PID1: variants seen among roughly 807,000 people sequenced by gnomAD.
PID1 encodes phosphotyrosine interaction domain containing 1.
Under a neutral mutation model 19.1 loss-of-function variants are expected in PID1, and 10 were observed. The ratio of observed to expected loss-of-function variants is 0.52; its 90% CI spans 0.32 to 0.89. The LOEUF is 0.89. PID1 is among the 40% of genes least tolerant of loss of function. PID1 has a pLI of 0.03. For synonymous variants in PID1, 130 were observed against 116.0 expected (o/e 1.12, Z -0.78); for missense variants, 248 against 285.3 (o/e 0.87, Z 0.94).
chr2:229,043,137 C>T (rs1422731960), intron 2 of PID1, among the ~76,000 whole-genome samples: 1 of 151,858 alleles, frequency 6.6e-6, no homozygotes, highest in Non-Finnish European at 1.5e-5. Context: ...TCCAGAGTAG[C>T]TGTGATTACA....
chr2:229,171,467 A>G (rs897453113), intron 1 of PID1, among the ~76,000 whole-genome samples: 1 of 152,194 alleles, frequency 6.6e-6, no homozygotes, highest in African/African-American at 2.4e-5. Context: ...ACATCTAGGG[A>G]GACAGCAATT....
intron 1 of PID1, among the ~76,000 whole-genome samples, chr2:229,168,552 G>T (rs1014773407): frequency 1.3e-5 from 2 of 151,988 alleles, no homozygotes; most frequent in African/African-American, 4.8e-5. Flanking sequence ...TTCTTACATG[G>T]TTTTTATCTC....
At chr2:229,124,510 A>G (rs986083877) in intron 2 of PID1, among the ~76,000 whole-genome samples, 3 of 152,208 alleles carry the variant, frequency 2.0e-5, no homozygotes, top group Admixed American at 2.0e-4. Flanking sequence ...TGGCAATAAA[A>G]TCAGATAGTA....
At chr2:229,104,095 G>A (rs1181368901) in intron 2 of PID1, among the ~76,000 whole-genome samples, 1 of 152,010 alleles carries the variant, frequency 6.6e-6, no homozygotes. Context: ...TTTTTTACAA[G>A]AGCCTGAGTT....
chr2:229,176,339 TAGTCACATGCCC>T (rs1690823133), intron 1 of PID1, among the ~76,000 whole-genome samples: 1 of 152,216 alleles, frequency 6.6e-6, no homozygotes, highest in Non-Finnish European at 1.5e-5. Context: ...CCTCAGCTCA[TAGTCACATGCCC>T]AGCTGACTTT....
At chr2:229,215,263 C>T (rs749139833) in intron 1 of PID1, among the ~76,000 whole-genome samples, 1 of 152,180 alleles carries the variant, frequency 6.6e-6, no homozygotes, top group Non-Finnish European at 1.5e-5. Flanking sequence ...CACTTTTATG[C>T]ATGTTTATTG....
intron 1 of PID1, among the ~76,000 whole-genome samples, chr2:229,246,519 T>G (rs771790733): frequency 6.6e-6 from 1 of 152,158 alleles, no homozygotes; most frequent in Non-Finnish European, 1.5e-5. Flanking sequence ...ACTCTATTCA[T>G]GTTGAGCTGT....
At chr2:229,209,809 C>T (rs970731686) in intron 1 of PID1, among the ~76,000 whole-genome samples, 2 of 152,152 alleles carry the variant, frequency 1.3e-5, no homozygotes, top group African/African-American at 4.8e-5. Context: ...AATAGTCCCT[C>T]CATGCCTACT....
intron 1 of PID1, among the ~76,000 whole-genome samples, chr2:229,212,417 A>G (rs1251707976): frequency 6.6e-6 from 1 of 152,218 alleles, no homozygotes; most frequent in East Asian, 1.9e-4. Context: ...CCAGGTTCCC[A>G]TACAGCAGGA....
intron 2 of PID1, among the ~76,000 whole-genome samples, chr2:229,026,835 A>G (rs1446689708): frequency 1.3e-5 from 2 of 152,202 alleles, no homozygotes; most frequent in Admixed American, 1.3e-4. Flanking sequence ...GCAGTATGAA[A>G]ACTAAGAAAA....
At chr2:229,184,545 G>A (rs1266293451) in intron 1 of PID1, among the ~76,000 whole-genome samples, 1 of 2,870 alleles carries the variant, frequency 3.5e-4, no homozygotes, top group Non-Finnish European at 5.3e-4. Context: ...TATATATCCC[G>A]TATATATATA....
At chr2:229,123,193 C>A (rs530625626) in intron 2 of PID1, among the ~76,000 whole-genome samples, 20 of 152,244 alleles carry the variant, frequency 1.3e-4, no homozygotes, top group Admixed American at 1.3e-3. Flanking sequence ...AGGCCCCACT[C>A]CAGCCTAAGG....
chr2:229,238,490 G>A (rs770543688), intron 1 of PID1, among the ~76,000 whole-genome samples: 8 of 152,036 alleles, frequency 5.3e-5, no homozygotes, highest in Non-Finnish European at 1.0e-4. Context: ...CAGCGCAATC[G>A]ATTAGCGTAC....
At chr2:229,205,696 C>A (rs1335315143) in intron 1 of PID1, among the ~76,000 whole-genome samples, 1 of 152,092 alleles carries the variant, frequency 6.6e-6, no homozygotes, top group Non-Finnish European at 1.5e-5. Flanking sequence ...CATTTCAAAT[C>A]TTAGAGTCAA....
intron 2 of PID1, among the ~76,000 whole-genome samples, chr2:229,101,119 C>G (rs572173678): frequency 7.9e-5 from 12 of 152,168 alleles, no homozygotes; most frequent in Non-Finnish European, 1.8e-4. Context: ...GATCTCACCA[C>G]GGTGTGAACA....
chr2:229,139,038 A>AGAAG (rs1491349182), intron 2 of PID1, among the ~76,000 whole-genome samples: 21 of 57,024 alleles, frequency 3.7e-4, no homozygotes, highest in African/African-American at 4.4e-4. Flanking sequence ...AAAGAAAGAA[A>AGAAG]GAGAAAGAAA....
intron 2 of PID1, among the ~76,000 whole-genome samples, chr2:229,113,596 A>ATGTGTGTGTGTGTGTGTG (rs3083856): frequency 7.0e-6 from 1 of 141,976 alleles, no homozygotes; most frequent in Non-Finnish European, 1.5e-5. Context: ...GTATGCATAT[A>ATGTGTGTGTGTGTGTGTG]TGTGTGTGTG....
chr2:229,101,391 A>T (rs1695070761), intron 2 of PID1, among the ~76,000 whole-genome samples: 1 of 152,186 alleles, frequency 6.6e-6, no homozygotes, highest in South Asian at 2.1e-4. Flanking sequence ...AGCAACCTTG[A>T]AAAACCACTC....
At chr2:229,030,598 T>C (rs1022311609) in intron 2 of PID1, among the ~76,000 whole-genome samples, 2 of 152,166 alleles carry the variant, frequency 1.3e-5, no homozygotes, top group Non-Finnish European at 2.9e-5. Flanking sequence ...TCTCTCTCTC[T>C]GATATTTTTC....
Sources: gnomAD v4.1 joint callset for allele counts (sites outside exome capture counted in the v4.1 genomes callset) on GRCh38, gnomAD v4.1.1 for gene constraint, MANE v1.5 for transcripts, NCBI Gene and HGNC (gene_info 2026-07-23, HGNC 2026-07-21) for gene names.